MDGA2: variants seen among roughly 807,000 people sequenced by gnomAD.
The protein encoded by MDGA2 is MAM domain-containing glycosylphosphatidylinositol anchor protein 2.
Under a neutral mutation model 117.8 loss-of-function variants are expected in MDGA2, and 40 were observed. The observed-to-expected ratio is 0.34, with a 90% confidence interval of 0.26 to 0.44. MDGA2 has a LOEUF of 0.44. Ranked by LOEUF, MDGA2 falls within the 20% of genes least tolerant of loss-of-function variation. The pLI is 1.00. For synonymous variants in MDGA2, 452 were observed against 439.0 expected (o/e 1.03, Z -0.37); for missense variants, 1,123 against 1,250.6 (o/e 0.90, Z 1.54).
chr14:47,611,872 C>A (rs1272496119), intron 1 of MDGA2, among the ~76,000 whole-genome samples: 2 of 152,078 alleles, frequency 1.3e-5, no homozygotes, highest in Middle Eastern at 3.2e-3. Flanking sequence ...CATAACACAT[C>A]AAAAAGCAAT....
intron 6 of MDGA2, among the ~76,000 whole-genome samples, chr14:47,093,939 T>C (rs1879815000): frequency 6.6e-6 from 1 of 152,062 alleles, no homozygotes; most frequent in African/African-American, 2.4e-5. Flanking sequence ...TAAACCTAGA[T>C]TTCTATATCT....
chr14:47,473,203 C>T (rs1055839080), intron 1 of MDGA2, among the ~76,000 whole-genome samples: 3 of 152,144 alleles, frequency 2.0e-5, no homozygotes, highest in Non-Finnish European at 4.4e-5. Flanking sequence ...GGGGCACAGA[C>T]CCCACTGGCT....
In MDGA2 at chr14:47,196,857, C is replaced by A. The variant is rs536819433; in HGVS notation, c.595+21164G>T. Among the ~76,000 whole-genome samples the A allele has an allele frequency of 4.6e-5, 7 of 152,270 alleles. No individual in the cohort carries two copies. In the East Asian group the frequency reaches 1.4e-3, roughly 29 times the overall value. On this transcript the variant is annotated intron_variant, in intron 3 of 16. Coordinates refer to ENST00000399232, the MANE Select transcript of MDGA2 (RefSeq NM_001113498.3). ...CAAGCAGTCCCCAGTCTATTGTTCC[C>A]TTCTTTGTGTCCATGTGTATTCAGT...
chr14:46,928,267 A>G (rs1007298238), intron 9 of MDGA2, among the ~76,000 whole-genome samples: 11 of 152,128 alleles, frequency 7.2e-5, no homozygotes, highest in Non-Finnish European at 1.2e-4. Flanking sequence ...CAGCCAATAT[A>G]TGAATTTATG....
intron 14 of MDGA2, 146 bp downstream of exon 14, chr14:46,873,287 T>A: frequency 1.5e-6 from 1 of 682,680 alleles, no homozygotes; most frequent in Non-Finnish European, 2.2e-6. Flanking sequence ...TCTTACTATC[T>A]TATTTTGCAA....
At chr14:47,347,134 T>C (rs1373586987) in intron 1 of MDGA2, among the ~76,000 whole-genome samples, 1 of 152,038 alleles carries the variant, frequency 6.6e-6, no homozygotes, top group Non-Finnish European at 1.5e-5. Context: ...TAAACAGAGG[T>C]CTGCAGCCAC....
chr14:47,587,901 C>T (rs975841807), intron 1 of MDGA2, among the ~76,000 whole-genome samples: 1 of 151,874 alleles, frequency 6.6e-6, no homozygotes, highest in African/African-American at 2.4e-5. Flanking sequence ...ATTAGACACT[C>T]CTTGCACCTC....
chr14:47,172,029 G>A (rs921618744), intron 3 of MDGA2, among the ~76,000 whole-genome samples: 2 of 152,186 alleles, frequency 1.3e-5, no homozygotes, highest in South Asian at 4.1e-4. Flanking sequence ...TATGCCCACT[G>A]AGTCTCGCTG....
At chr14:47,470,620 G>C (rs1488764645) in intron 1 of MDGA2, among the ~76,000 whole-genome samples, 1 of 152,074 alleles carries the variant, frequency 6.6e-6, no homozygotes, top group Non-Finnish European at 1.5e-5. Context: ...TAATCCTTTG[G>C]ATATATGCCC....
At chr14:47,011,352 G>A (rs1349513324) in intron 8 of MDGA2, among the ~76,000 whole-genome samples, 1 of 151,952 alleles carries the variant, frequency 6.6e-6, no homozygotes, top group African/African-American at 2.4e-5. Context: ...TTTTCTATGT[G>A]AATGCATGTT....
intron 14 of MDGA2, among the ~76,000 whole-genome samples, chr14:46,863,434 C>T (rs897229608): frequency 3.9e-5 from 6 of 152,120 alleles, no homozygotes; most frequent in Non-Finnish European, 8.8e-5. Context: ...ATTAGGCACA[C>T]AGCCTGTGCA....
intron 8 of MDGA2, among the ~76,000 whole-genome samples, chr14:47,017,613 T>G (rs1888131348): frequency 1.5e-5 from 1 of 65,090 alleles, no homozygotes; most frequent in Non-Finnish European, 4.4e-5. Flanking sequence ...CAAGAAAATA[T>G]TCACATGATT....
intron 1 of MDGA2, among the ~76,000 whole-genome samples, chr14:47,373,936 A>T (rs556488907): frequency 1.3e-5 from 2 of 152,164 alleles, no homozygotes; most frequent in Non-Finnish European, 2.9e-5. Context: ...AAAACCTTAT[A>T]ATAAGCCATC....
chr14:47,159,993 C>G (rs1883564198), intron 3 of MDGA2, among the ~76,000 whole-genome samples: 3 of 151,928 alleles, frequency 2.0e-5, no homozygotes, highest in Admixed American at 2.0e-4. Flanking sequence ...CTAGTTTTCC[C>G]CTAGATTGCA....
At chr14:47,663,326 G>A (rs2138297343) in intron 1 of MDGA2, among the ~76,000 whole-genome samples, 1 of 152,254 alleles carries the variant, frequency 6.6e-6, no homozygotes, top group African/African-American at 2.4e-5. Context: ...AACAATTTTT[G>A]TTGTCTTTCA....
intron 8 of MDGA2, among the ~76,000 whole-genome samples, chr14:47,024,425 G>C (rs938600909): frequency 2.0e-5 from 3 of 152,054 alleles, no homozygotes; most frequent in African/African-American, 7.2e-5. Flanking sequence ...ACATCTGATC[G>C]CTTCTGTCAT....
intron 7 of MDGA2, among the ~76,000 whole-genome samples, chr14:47,036,151 T>C (rs1450108373): frequency 1.3e-5 from 2 of 150,830 alleles, no homozygotes; most frequent in Non-Finnish European, 2.9e-5. Context: ...GCGCCTGTAG[T>C]CCCAGCTGCT....
intron 1 of MDGA2, among the ~76,000 whole-genome samples, chr14:47,485,112 G>A (rs1304326751): frequency 1.3e-5 from 2 of 152,168 alleles, no homozygotes; most frequent in East Asian, 3.9e-4. Flanking sequence ...TCAGAAGACA[G>A]GAAAATGTGC....
chr14:47,096,748 A>T, intron 6 of MDGA2, 106 bp downstream of exon 6: 1 of 1,097,738 alleles, frequency 9.1e-7, no homozygotes, highest in Non-Finnish European at 1.3e-6. Context: ...TCTGTATTTT[A>T]CAGATACATG....
Sources: allele counts gnomAD v4.1 joint callset (sites outside exome capture counted in the v4.1 genomes callset), GRCh38; gene constraint gnomAD v4.1.1; transcripts MANE v1.5; gene names NCBI Gene and HGNC (gene_info 2026-07-23, HGNC 2026-07-21).